TMEM132B: variants seen among roughly 807,000 people sequenced by gnomAD.
TMEM132B encodes the protein transmembrane protein 132B.
TMEM132B carries 18 observed loss-of-function variants against 90.8 expected under a neutral mutation model. The observed-to-expected ratio is 0.20, with a 90% CI of 0.14 to 0.29. The LOEUF is 0.29. Among genes scored for constraint, TMEM132B ranks in the 10% least tolerant of loss-of-function variants. The pLI, the probability that TMEM132B is intolerant of heterozygous loss-of-function variation, is 1.00. For synonymous variants in TMEM132B, 504 were observed against 523.3 expected, an observed-to-expected ratio of 0.96 and a Z score of 0.50; for missense variants, 1,096 against 1,326.8, an observed-to-expected ratio of 0.83 and a Z score of 2.70.
intron 4 of TMEM132B, among the ~76,000 whole-genome samples, chr12:125,560,906 G>A (rs1171155631): frequency 2.8e-5 from 4 of 144,116 alleles, no homozygotes; most frequent in African/African-American, 7.9e-5. Context: ...AAATAGGAAC[G>A]CTTTTGCACT....
intron 2 of TMEM132B, among the ~76,000 whole-genome samples, chr12:125,371,163 A>G (rs553406088): frequency 2.6e-5 from 4 of 152,348 alleles, no homozygotes; most frequent in Admixed American, 2.6e-4. Flanking sequence ...AGCCTCAGCA[A>G]GTCAGCTCCT....
At chr12:125,580,248 A>G (rs774991390) in intron 4 of TMEM132B, among the ~76,000 whole-genome samples, 1 of 152,202 alleles carries the variant, frequency 6.6e-6, no homozygotes, top group Non-Finnish European at 1.5e-5. Flanking sequence ...CAAAGACCCT[A>G]TGGACATCTC....
At position 125,435,370 on chromosome 12, in the gene TMEM132B, G is replaced by T. The variant is rs568760536; in HGVS notation, c.1106+19693G>T. On this transcript the variant is annotated intron_variant, in intron 3 of 8. Coordinates refer to ENST00000682704, the MANE Select transcript of TMEM132B (RefSeq NM_001366854.1). Reference sequence around the variant, plus strand: ...GGGGACCATAATTAAAGAGAGACTGGGGTGCGGAAGGGGTGGAGCCCTCAG... The same window carrying T: ...GGGGACCATAATTAAAGAGAGACTGTGGTGCGGAAGGGGTGGAGCCCTCAG... Among the ~76,000 whole-genome samples the T allele has an allele frequency of 2.6e-5, 4 of 152,270 alleles. No homozygotes were observed. The South Asian group carries it at 6.2e-4, about 24-fold the overall frequency.
chr12:125,453,076 A>AACACACACACACAC (rs60350192), intron 3 of TMEM132B, among the ~76,000 whole-genome samples: 1 of 143,700 alleles, frequency 7.0e-6, no homozygotes, highest in East Asian at 2.0e-4. Context: ...ATTTCAGTAA[A>AACACACACACACAC]ACACACACAC....
At chr12:125,551,508 AGAAGAAT>A (rs1005608003) in intron 4 of TMEM132B, among the ~76,000 whole-genome samples, 2 of 152,206 alleles carry the variant, frequency 1.3e-5, no homozygotes, top group Admixed American at 1.3e-4. Context: ...ACAGTCATAA[AGAAGAAT>A]GAAATAAAAA....
chr12:125,319,085 G>GT (rs1464532832), intron 1 of TMEM132B, among the ~76,000 whole-genome samples: 1 of 152,300 alleles, frequency 6.6e-6, no homozygotes, highest in Non-Finnish European at 1.5e-5. Flanking sequence ...TCAGGTCCTG[G>GT]TTTTGTCCTG....
At chr12:125,575,787 G>C (rs1001443414) in intron 4 of TMEM132B, among the ~76,000 whole-genome samples, 4 of 151,702 alleles carry the variant, frequency 2.6e-5, no homozygotes, top group African/African-American at 9.7e-5. Flanking sequence ...GTGGATATCC[G>C]GTTATCCCAG....
intron 2 of TMEM132B, among the ~76,000 whole-genome samples, chr12:125,393,009 C>T (rs1486300927): frequency 6.6e-6 from 1 of 152,154 alleles, no homozygotes; most frequent in Non-Finnish European, 1.5e-5. Flanking sequence ...GCAACAAGGG[C>T]TCCAACACCA....
chr12:125,286,824 C>T (rs1046482175), intron 1 of TMEM132B, among the ~76,000 whole-genome samples: 6 of 152,090 alleles, frequency 3.9e-5, no homozygotes, highest in African/African-American at 1.4e-4. Flanking sequence ...CTGCCTCAGC[C>T]TACCGAGTAG....
chr12:125,358,006 A>G (rs1877836505), intron 2 of TMEM132B, among the ~76,000 whole-genome samples: 1 of 152,126 alleles, frequency 6.6e-6, no homozygotes. Flanking sequence ...TGCCAGCTCT[A>G]TGTAGTGGTC....
intron 3 of TMEM132B, among the ~76,000 whole-genome samples, chr12:125,504,006 T>A (rs556266663): frequency 6.6e-6 from 1 of 152,244 alleles, no homozygotes; most frequent in Non-Finnish European, 1.5e-5. Flanking sequence ...TCGAGGCTGT[T>A]GTAATTAATA....
intron 5 of TMEM132B, among the ~76,000 whole-genome samples, chr12:125,642,641 A>G (rs78502626): frequency 6.6e-6 from 1 of 152,184 alleles, no homozygotes; most frequent in African/African-American, 2.4e-5. Flanking sequence ...GTAACTCTTC[A>G]GCAATCCTTG....
At chr12:125,531,182 T>C (rs763783383) in intron 4 of TMEM132B, among the ~76,000 whole-genome samples, 4 of 151,588 alleles carry the variant, frequency 2.6e-5, no homozygotes, top group Non-Finnish European at 4.4e-5. Flanking sequence ...TTTCTTTTTG[T>C]TTTGTTTTTG....
chr12:125,517,428 G>A (rs1324249884), intron 3 of TMEM132B, among the ~76,000 whole-genome samples: 1 of 142,052 alleles, frequency 7.0e-6, no homozygotes, highest in Non-Finnish European at 1.5e-5. Context: ...TCCTGACCTC[G>A]TGATCCACCC....
intron 3 of TMEM132B, among the ~76,000 whole-genome samples, chr12:125,488,934 A>C (rs764557943): frequency 1.2e-4 from 18 of 152,200 alleles, no homozygotes; most frequent in African/African-American, 1.4e-4. Context: ...ACATTCGTAG[A>C]TGAAATTCTA....
At chr12:125,314,865 T>G (rs759127354) in intron 1 of TMEM132B, among the ~76,000 whole-genome samples, 3 of 152,200 alleles carry the variant, frequency 2.0e-5, no homozygotes, top group Non-Finnish European at 4.4e-5. Context: ...TGGTGGGCAC[T>G]GGCTGCCATG....
intron 5 of TMEM132B, among the ~76,000 whole-genome samples, chr12:125,637,979 A>T (rs1008368752): frequency 1.3e-5 from 2 of 152,200 alleles, no homozygotes; most frequent in African/African-American, 4.8e-5. Context: ...CTTTAAATGG[A>T]TACACTGTAT....
chr12:125,324,980 C>A (rs1876520646), intron 1 of TMEM132B, among the ~76,000 whole-genome samples: 1 of 152,168 alleles, frequency 6.6e-6, no homozygotes, highest in African/African-American at 2.4e-5. Flanking sequence ...CTGCTCTGGG[C>A]CCCTTGGTGT....
Position 125,604,126 on chromosome 12 carries a change from A to G in TMEM132B, c.1437+20132A>G, listed in dbSNP as rs1371166581. Among the ~76,000 whole-genome samples the G allele has an allele frequency of 9.8e-5, 15 of 152,346 alleles. No homozygotes were observed. The East Asian group carries it at 2.7e-3, about 27-fold the overall frequency. ...TACCTAAAGGAATGTAAATCATTCTACTATAAAGACACATGCACACATATG... is the reference window on the plus strand; with the variant it reads ...TACCTAAAGGAATGTAAATCATTCTGCTATAAAGACACATGCACACATATG... On this transcript the variant is annotated intron_variant, in intron 5 of 8. Transcript: ENST00000682704.
Sources: gnomAD v4.1 joint callset for allele counts (sites outside exome capture counted in the v4.1 genomes callset) on GRCh38, gnomAD v4.1.1 for gene constraint, MANE v1.5 for transcripts, NCBI Gene and HGNC (gene_info 2026-07-23, HGNC 2026-07-21) for gene names.